Variants in BCL6B observed in about 807,000 individuals in gnomAD.
The protein encoded by BCL6B is BCL6B transcription repressor, also known as B-cell CLL/lymphoma 6 member B protein.
In BCL6B, 28 loss-of-function variants were observed where a neutral mutation model predicts 44.6. The ratio of observed to expected loss-of-function variants is 0.63; its 90% CI spans 0.47 to 0.86. BCL6B has a LOEUF of 0.86. Among genes scored for constraint, BCL6B ranks in the 40% least tolerant of loss-of-function variants. The pLI is 0.00. For missense variants in BCL6B, 626 were observed against 652.3 expected (o/e 0.96, Z 0.44); for synonymous variants, 268 against 263.6 (o/e 1.02, Z -0.16).
In BCL6B at chr17:7,027,654, G is replaced by C; in HGVS notation, c.*35G>C. Reference sequence around the variant, plus strand: ...GGCCCAGGCCCCACTTGCTTCCTGCGGGTGGGAAAGCTGCAGGCCCAGGCC... The same window carrying C: ...GGCCCAGGCCCCACTTGCTTCCTGCCGGTGGGAAAGCTGCAGGCCCAGGCC... On this transcript the variant is annotated 3_prime_UTR_variant, in exon 9 of 9. Coordinates refer to ENST00000293805, the MANE Select transcript of BCL6B (RefSeq NM_181844.4). 2 of 1,610,864 alleles carry C rather than the reference G, an allele frequency of 1.2e-6. No individual in the cohort carries two copies. The highest frequency in any genetic ancestry group is 1.7e-6 in the Non-Finnish European group (2 of 1,179,622).
chr17:7,023,570 C>A, intron 1 of BCL6B, 90 bp from the exon 2 acceptor site: 2 of 1,302,188 alleles, frequency 1.5e-6, no homozygotes, highest in South Asian at 1.5e-5. Context: ...AGTCCTGGCT[C>A]TAGTTGCACC....
intron 7 of BCL6B, 55 bp downstream of exon 7, chr17:7,026,890 G>A: frequency 6.2e-7 from 1 of 1,611,064 alleles, no homozygotes; most frequent in Non-Finnish European, 8.5e-7. Flanking sequence ...AGGTGGGGTG[G>A]GCCAATAGGG....
At position 7,024,904 on chromosome 17, in the gene BCL6B, A is replaced by G; in HGVS notation, c.764+141A>G. The stretch of plus-strand genomic sequence containing the variant: ...GCTCACCTTAAGGAGCTGGCCAGAG[A>G]CCAGGTTTATTCAGCAGGGTGGCAC... On this transcript the variant is annotated intron_variant, in intron 4 of 8. Transcript: ENST00000293805. The surrounding 1 kb of genome is among the most constrained non-coding windows in gnomAD (Gnocchi z 6.6). The G allele has an allele frequency of 6.8e-7, 1 of 1,463,040 alleles. No individual in the cohort carries two copies. The highest frequency in any genetic ancestry group is 9.0e-7 in the Non-Finnish European group (1 of 1,106,046). The allele number at this position is 1,463,040 out of a possible 1,614,324, so 90.6% of individuals were successfully genotyped here.
In BCL6B at chr17:7,028,384, G is replaced by A. The variant is rs1233075892; in HGVS notation, c.*765G>A. 1.2e-6 allele frequency: 1 copy of A among 834,544 alleles called. No homozygotes were observed. Among genetic ancestry groups the A allele is most frequent in the Non-Finnish European group, 1.3e-6 (1 of 762,026 alleles). 51.7% of individuals were successfully genotyped at this position (834,544 alleles called of 1,614,324 possible). A position where few individuals can be genotyped will look rare whatever the true frequency, so the allele number is the denominator to read the frequency against. ...TACAGACATTTCTCTGTTCTTCAAG[G>A]GTGATAGGAACCATTATGTTGAGCC... On this transcript the variant is annotated 3_prime_UTR_variant, in exon 9 of 9. Coordinates refer to ENST00000293805, the MANE Select transcript of BCL6B (RefSeq NM_181844.4).
chr17:7,023,542 C>A, intron 1 of BCL6B, 118 bp from the exon 2 acceptor site: 2 of 994,210 alleles, frequency 2.0e-6, no homozygotes, highest in South Asian at 1.7e-5. Flanking sequence ...GCTGCGTGTG[C>A]CGGGGCTAGG....
intron 5 of BCL6B, among the ~76,000 whole-genome samples, chr17:7,025,825 A>C (rs1404732610): frequency 7.3e-6 from 1 of 136,968 alleles, no homozygotes; most frequent in Non-Finnish European, 1.6e-5. Context: ...CAACACAGCA[A>C]GACTCTGTCT....
Position 7,025,189 on chromosome 17 carries a change from G to A in BCL6B, c.878G>A (p.Arg293His), listed in dbSNP as rs773476333. 25 of 1,613,912 alleles carry A rather than the reference G, an allele frequency of 1.5e-5. No individual in the cohort carries two copies. The highest frequency in any genetic ancestry group is 4.5e-5 in the East Asian group (2 of 44,898). Residue 293 changes from arginine (R) to histidine (H), a missense_variant, in exon 5 of 9, where the codon CGT becomes CAT. Physicochemically the swap from Arg to His is conservative, Grantham distance 29 (BLOSUM62 0). Transcript: ENST00000293805. ...TCTGGATCACCCTCTGAACGGGCTC[G>A]TCCACTACCGGGTAAGAGCCCCTCT... ...DTSGSPSERA[R>H]PLPGSEFFSC...
Position 7,028,003 on chromosome 17 carries a change from C to T in BCL6B, c.*384C>T. 1 of 1,024,592 alleles carries T rather than the reference C, an allele frequency of 9.8e-7. No homozygotes were observed. Among genetic ancestry groups the T allele is most frequent in the South Asian group, 3.9e-5 (1 of 25,820 alleles). 63.5% of individuals were successfully genotyped at this position (1,024,592 alleles called of 1,614,324 possible). On this transcript the variant is annotated 3_prime_UTR_variant, in exon 9 of 9. Transcript: ENST00000293805. Reference sequence around the variant, plus strand: ...TGGCACCGGGGCCTTCATTCGATTGCATTTCCCACTCCCCTCTTCCACAAG... The same window carrying T: ...TGGCACCGGGGCCTTCATTCGATTGTATTTCCCACTCCCCTCTTCCACAAG...
chr17:7,023,659 G>C lies in BCL6B; in HGVS notation c.-12-1G>C, dbSNP rs200803631. The C allele has an allele frequency of 6.2e-7, 1 of 1,609,800 alleles. No individual in the cohort carries two copies. The highest frequency in any genetic ancestry group is 8.5e-7 in the Non-Finnish European group (1 of 1,178,354). On this transcript the variant is annotated splice_acceptor_variant, in intron 1 of 8. Transcript: ENST00000293805. LOFTEE classifies it low-confidence loss of function (5UTR_SPLICE). ...CAGAGCACTTTCCACGGCCTCTACA[G>C]GCCTGTGTCGCTATGGGTTCCCCCG... is the stretch of plus-strand genomic sequence containing the variant.
In BCL6B at chr17:7,027,987, G is replaced by T; in HGVS notation, c.*368G>T. On this transcript the variant is annotated 3_prime_UTR_variant, in exon 9 of 9. Coordinates refer to ENST00000293805, the MANE Select transcript of BCL6B (RefSeq NM_181844.4). ...TATTGAGGCCTTTGGGTGGCACCGG[G>T]GCCTTCATTCGATTGCATTTCCCAC... 1 of 1,034,534 alleles carries T rather than the reference G, an allele frequency of 9.7e-7. No individual in the cohort carries two copies. The highest frequency in any genetic ancestry group is 1.2e-6 in the Non-Finnish European group (1 of 860,640). The allele number at this position is 1,034,534 out of a possible 1,614,324, so 64.1% of individuals were successfully genotyped here. A position where few individuals can be genotyped will look rare whatever the true frequency, so the allele number is the denominator to read the frequency against.
At position 7,027,068 on chromosome 17, in the gene BCL6B, C is replaced by A; in HGVS notation, c.1304C>A (p.Thr435Asn). 1 of 1,614,026 alleles carries A rather than the reference C, an allele frequency of 6.2e-7. No homozygotes were observed. The highest frequency in any genetic ancestry group is 8.5e-7 in the Non-Finnish European group (1 of 1,180,020). Residue 435 changes from threonine (T) to asparagine (N), a missense_variant, in exon 8 of 9, where the codon ACC becomes AAC. Physicochemically the swap from Thr to Asn is moderately conservative, Grantham distance 65. Coordinates refer to ENST00000293805, the MANE Select transcript of BCL6B (RefSeq NM_181844.4). ...CTCAAGAGCCACGTTCGCATCCACA[C>A]CGGAGAGAAGCCTTACCACGTGGGT... The part of the protein sequence containing the change: ...QTLKSHVRIH[T>N]GEKPYHCDPC...
chr17:7,023,482 G>A, intron 1 of BCL6B, 178 bp from the exon 2 acceptor site: 2 of 624,290 alleles, frequency 3.2e-6, no homozygotes, highest in Non-Finnish European at 2.7e-6. Flanking sequence ...AGAGGCAAGG[G>A]AGCGAGGGTG....
In BCL6B at chr17:7,023,736, C is replaced by T. The variant is rs780672118; in HGVS notation, c.65C>T (p.Ser22Phe). ...GYVREFTRHS[S>F]DVLGNLNELR... is the part of the protein sequence containing the mutation. ...GTCCGCGAGTTCACTCGCCACTCCT[C>T]CGACGTGCTGGGCAACCTCAACGAG... Residue 22 changes from serine (S) to phenylalanine (F), a missense_variant, in exon 2 of 9, where the codon TCC becomes TTC. By Grantham distance (155) the Ser-to-Phe change is radical. Coordinates refer to ENST00000293805, the MANE Select transcript of BCL6B (RefSeq NM_181844.4). 1.9e-6 allele frequency: 3 copies of T among 1,613,306 alleles called. No homozygotes were observed. Among genetic ancestry groups the T allele is most frequent in the Non-Finnish European group, 2.5e-6 (3 of 1,180,032 alleles).
intron 5 of BCL6B, 105 bp from the exon 6 acceptor site, chr17:7,026,352 A>G: frequency 7.0e-7 from 1 of 1,431,122 alleles, no homozygotes; most frequent in Non-Finnish European, 9.5e-7. Context: ...TCTTAACAAT[A>G]AATTGGGAAA....
chr17:7,023,494 C>T, intron 1 of BCL6B, 166 bp from the exon 2 acceptor site: 1 of 661,818 alleles, frequency 1.5e-6, no homozygotes, highest in Non-Finnish European at 2.5e-6. Flanking sequence ...GCGAGGGTGT[C>T]GTAGAGGGCA....
In BCL6B at chr17:7,026,508, C is replaced by T. The variant is rs147572675; in HGVS notation, c.941C>T (p.Ser314Leu). The T allele has an allele frequency of 9.9e-6, 16 of 1,614,164 alleles. No individual in the cohort carries two copies. In the South Asian group the frequency reaches 1.2e-4, roughly 12 times the overall value. ...TGTGAGGCTGTGGCAGGGTGCTCAT[C>T]GGGGCTGGACTCCTTGGTTCCTGGG... is the stretch of plus-strand genomic sequence containing the variant. ...QNCEAVAGCSSGLDSLVPGDE... is the reference protein window; with the variant it reads ...QNCEAVAGCSLGLDSLVPGDE... The change falls in exon 6 of 9, where the codon TCG (serine) becomes TTG (leucine). Residue 314 changes from serine to leucine, a missense_variant. By Grantham distance (145) the Ser-to-Leu change is moderately radical. Coordinates refer to ENST00000293805, the MANE Select transcript of BCL6B (RefSeq NM_181844.4).
Position 7,027,583 on chromosome 17 carries a change from C to T in BCL6B, c.1404C>T (p.Asn468=). The T allele has an allele frequency of 6.2e-7, 1 of 1,613,814 alleles. No individual in the cohort carries two copies. The highest frequency in any genetic ancestry group is 8.5e-7 in the Non-Finnish European group (1 of 1,179,992). The change falls in exon 9 of 9, where the codon AAC becomes AAT. Residue 468 remains asparagine, a synonymous_variant. Coordinates refer to ENST00000293805, the MANE Select transcript of BCL6B (RefSeq NM_181844.4). The stretch of plus-strand genomic sequence containing the variant: ...GCCAGAAACACGGAGCTGCTACCAA[C>T]ACCAAAGTGCACTACCACATTCTCG... The part of the protein sequence containing the change: ...HLRQKHGAAT[N]TKVHYHILGG...
In BCL6B at chr17:7,024,068, CT is replaced by C; in HGVS notation, c.180-14del. On this transcript the variant is annotated splice_polypyrimidine_tract_variant and intron_variant, in intron 2 of 8. Coordinates refer to ENST00000293805, the MANE Select transcript of BCL6B (RefSeq NM_181844.4). The surrounding 1 kb of genome is among the most constrained non-coding windows in gnomAD (Gnocchi z 6.6). ...GTTCCCCAGCCCCCAAAGGACTTAT[CT>C]GCTCTCTCTCTAGTGGCTTCTTCTA... The C allele has an allele frequency of 6.2e-7, 1 of 1,612,916 alleles. No homozygotes were observed. The highest frequency in any genetic ancestry group is 8.5e-7 in the Non-Finnish European group (1 of 1,179,202).
rs1205084974 is a variant in BCL6B, at chr17:7,028,887, G to A, written c.*1268G>A. The A allele has an allele frequency of 2.0e-6, 2 of 985,240 alleles. No individual in the cohort carries two copies. The highest frequency in any genetic ancestry group is 3.5e-5 in the African/African-American group (2 of 57,200). 61.0% of individuals were successfully genotyped at this position (985,240 alleles called of 1,614,324 possible). ...GCCCCTTCTTCCTTTAGTGGGTTTT[G>A]GACATCTTCTGGCAAGTGTCCAGAT... On this transcript the variant is annotated 3_prime_UTR_variant, in exon 9 of 9. Transcript: ENST00000293805.
Sources: gnomAD v4.1 joint callset for allele counts (sites outside exome capture counted in the v4.1 genomes callset) on GRCh38, gnomAD v4.1.1 for gene constraint, Gnocchi (gnomAD v3.1) non-coding constraint, MANE v1.5 for transcripts, NCBI Gene and HGNC (gene_info 2026-07-23, HGNC 2026-07-21) for gene names.